Variants in SPATA6 observed in about 807,000 individuals in gnomAD.
The protein encoded by SPATA6 is spermatogenesis-associated protein 6.
A neutral mutation model predicts 65.3 loss-of-function variants in SPATA6; 56 were observed. That is an observed-to-expected ratio of 0.86 (90% CI 0.69 to 1.07). The LOEUF is 1.07. Ranked by LOEUF, SPATA6 falls within the 50% of genes least tolerant of loss-of-function variation. SPATA6 has a pLI of 0.00. For synonymous variants in SPATA6, 199 were observed against 213.2 expected (o/e 0.93, Z 0.58); for missense variants, 590 against 594.8 (o/e 0.99, Z 0.08).
At chr1:48,444,500 T>C (rs2148123881) in intron 3 of SPATA6, among the ~76,000 whole-genome samples, 1 of 152,130 alleles carries the variant, frequency 6.6e-6, no homozygotes, top group Middle Eastern at 3.4e-3. Flanking sequence ...ATCAGCGCTC[T>C]GTGTCTAGCT....
At chr1:48,393,084 T>C (rs906791016) in intron 8 of SPATA6, among the ~76,000 whole-genome samples, 13 of 152,274 alleles carry the variant, frequency 8.5e-5, no homozygotes, top group Middle Eastern at 6.8e-3. Flanking sequence ...AATCAATATA[T>C]GCGAAAGGAG....
intron 11 of SPATA6, among the ~76,000 whole-genome samples, chr1:48,345,081 G>A (rs910560190): frequency 9.2e-5 from 14 of 151,902 alleles, no homozygotes; most frequent in African/African-American, 2.9e-4. Flanking sequence ...TCTTCTCATC[G>A]CCACCTAGCA....
chr1:48,469,470 A>C, intron 1 of SPATA6, among the ~76,000 whole-genome samples: 1 of 22,416 alleles, frequency 4.5e-5, no homozygotes, highest in Non-Finnish European at 1.1e-4. Flanking sequence ...ACAAATATCT[A>C]TTTATATATA....
chr1:48,449,746 C>G (rs1656390567), intron 3 of SPATA6, among the ~76,000 whole-genome samples: 3 of 152,124 alleles, frequency 2.0e-5, no homozygotes, highest in African/African-American at 7.2e-5. Context: ...ACTGTTTGAT[C>G]TTATTAAGAA....
intron 11 of SPATA6, among the ~76,000 whole-genome samples, chr1:48,321,202 C>T (rs553905280): frequency 5.9e-5 from 9 of 152,098 alleles, no homozygotes; most frequent in South Asian, 2.1e-4. Context: ...CAGACTTCTC[C>T]GCTCAAAAGA....
downstream of SPATA6, among the ~76,000 whole-genome samples, chr1:48,291,655 G>A (rs1644768958): frequency 6.6e-6 from 1 of 152,170 alleles, no homozygotes; most frequent in Non-Finnish European, 1.5e-5. Context: ...CTGAGAACTT[G>A]CCCCAGGCTA....
intron 9 of SPATA6, 43 bp from the exon 10 acceptor site, chr1:48,359,813 A>AT: frequency 7.1e-7 from 1 of 1,401,938 alleles, no homozygotes; most frequent in Non-Finnish European, 9.7e-7. Flanking sequence ...AAATACAGAT[A>AT]CATATGTATA....
At chr1:48,345,838 GAAGT>G (rs1052965330) in intron 11 of SPATA6, among the ~76,000 whole-genome samples, 7 of 152,016 alleles carry the variant, frequency 4.6e-5, no homozygotes, top group Non-Finnish European at 7.4e-5. Flanking sequence ...TGAAATTGAA[GAAGT>G]AATAAATAGC....
chr1:48,378,525 C>G (rs1389469155), intron 9 of SPATA6, among the ~76,000 whole-genome samples: 1 of 152,086 alleles, frequency 6.6e-6, no homozygotes, highest in African/African-American at 2.4e-5. Flanking sequence ...CAGTTCCACA[C>G]GGCTGGGGAG....
chr1:48,419,361 T>C (rs1208324839), intron 3 of SPATA6, among the ~76,000 whole-genome samples: 2 of 152,198 alleles, frequency 1.3e-5, no homozygotes, highest in Admixed American at 6.5e-5. Flanking sequence ...ATATACGTGG[T>C]ATTTGAATGA....
At chr1:48,309,720 T>C (rs1471177963) in intron 11 of SPATA6, among the ~76,000 whole-genome samples, 1 of 152,232 alleles carries the variant, frequency 6.6e-6, no homozygotes, top group Non-Finnish European at 1.5e-5. Context: ...ATTAGCATAG[T>C]GATTTTCTGA....
chr1:48,384,171 CA>C (rs1253192586), intron 9 of SPATA6, among the ~76,000 whole-genome samples: 2 of 147,088 alleles, frequency 1.4e-5, no homozygotes, highest in African/African-American at 5.1e-5. Flanking sequence ...CCGTCTCCAC[CA>C]AAAAAAAACG....
chr1:48,341,993 A>G (rs934877819), intron 11 of SPATA6, among the ~76,000 whole-genome samples: 6 of 152,208 alleles, frequency 3.9e-5, no homozygotes, highest in Admixed American at 6.5e-5. Flanking sequence ...TATATTGTCT[A>G]TGGTAGCACT....
chr1:48,471,976 C>A lies in SPATA6; in HGVS notation c.33G>T (p.Leu11=), dbSNP rs1658296159. Reference sequence around the variant, plus strand: ...TACTCACTGAGCTGATCTCCAGCGCCAGGGCGCACTGCAGCGCCTTCACCT... The same window carrying A: ...TACTCACTGAGCTGATCTCCAGCGCAAGGGCGCACTGCAGCGCCTTCACCT... MPKVKALQCA[L]ALEISSVTCP... The change falls in exon 1 of 13, where the codon CTG becomes CTT. Residue 11 remains leucine, a synonymous_variant. Coordinates refer to ENST00000371847, the MANE Select transcript of SPATA6 (RefSeq NM_019073.4). The A allele has an allele frequency of 6.2e-7, 1 of 1,601,844 alleles. No individual in the cohort carries two copies. Among genetic ancestry groups the A allele is most frequent in the Non-Finnish European group, 8.5e-7 (1 of 1,175,850 alleles).
intron 11 of SPATA6, among the ~76,000 whole-genome samples, chr1:48,334,002 C>T (rs960338872): frequency 6.6e-6 from 1 of 152,108 alleles, no homozygotes; most frequent in African/African-American, 2.4e-5. Flanking sequence ...CTATGAACAC[C>T]TCTATGCACA....
chr1:48,417,929 A>G (rs1040716936), intron 3 of SPATA6, among the ~76,000 whole-genome samples: 3 of 152,176 alleles, frequency 2.0e-5, no homozygotes, highest in African/African-American at 7.2e-5. Flanking sequence ...ATCCATGTGA[A>G]TGACTCATCC....
At chr1:48,379,434 G>A (rs1648295287) in intron 9 of SPATA6, among the ~76,000 whole-genome samples, 2 of 152,156 alleles carry the variant, frequency 1.3e-5, no homozygotes, top group South Asian at 4.1e-4. Flanking sequence ...ACTCATAGAA[G>A]CAGAAAACAG....
At chr1:48,284,634 T>G in the SPATA6 span, among the ~76,000 whole-genome samples, 2 of 152,200 alleles carry the variant, frequency 1.3e-5, no homozygotes, top group African/African-American at 4.8e-5. Context: ...TCCTTTTTGT[T>G]GATGGTGATG....
chr1:48,369,850 A>T (rs1198264097), intron 9 of SPATA6, among the ~76,000 whole-genome samples: 1 of 152,142 alleles, frequency 6.6e-6, no homozygotes, highest in Non-Finnish European at 1.5e-5. Flanking sequence ...GAAATGCAGA[A>T]ATCACCCATT....
Sources: allele counts gnomAD v4.1 joint callset (sites outside exome capture counted in the v4.1 genomes callset), GRCh38; gene constraint gnomAD v4.1.1; transcripts MANE v1.5; gene names NCBI Gene and HGNC (gene_info 2026-07-23, HGNC 2026-07-21).